The following MAF variants were observed in gnomAD, a reference collection of about 807,000 sequenced individuals.
MAF encodes MAF bZIP transcription factor.
MAF carries 10 observed loss-of-function variants against 22.0 expected under a neutral mutation model. That is an observed-to-expected ratio of 0.45 (90% confidence interval 0.28 to 0.77). The LOEUF (loss-of-function observed/expected upper bound fraction) is 0.77, where lower values mean the gene tolerates loss of function less well. Ranked by LOEUF, MAF falls within the 30% of genes least tolerant of loss-of-function variation. MAF has a pLI of 0.12. For synonymous variants in MAF, 337 were observed against 255.8 expected, an observed-to-expected ratio of 1.32 and a Z score of -3.03; for missense variants, 544 against 548.4, an observed-to-expected ratio of 0.99 and a Z score of 0.08.
At chr16:79,216,635 G>C in the MAF span, among the ~76,000 whole-genome samples, 1 of 152,020 alleles carries the variant, frequency 6.6e-6, no homozygotes, top group Non-Finnish European at 1.5e-5. Context: ...AAGGTAGGCT[G>C]GGCTATGCTA....
chr16:79,410,930 A>G, the MAF span, among the ~76,000 whole-genome samples: 12,342 of 152,254 alleles, frequency 0.081, 703 homozygotes, highest in Middle Eastern at 0.19. Context: ...GTGATGTTCC[A>G]GGGAGGGGGG....
the MAF span, chr16:79,212,116 C>T: frequency 3.3e-6 from 5 of 1,535,456 alleles, no homozygotes; most frequent in South Asian, 1.2e-5. Flanking sequence ...CTTTCTTTTA[C>T]TGTTATAGAA....
At chr16:79,510,096 C>T in the MAF span, among the ~76,000 whole-genome samples, 65 of 152,198 alleles carry the variant, frequency 4.3e-4, no homozygotes, top group Admixed American at 3.0e-3. Context: ...GATTGCAGGA[C>T]GGCTACCGAA....
At chr16:79,405,533 C>A in the MAF span, among the ~76,000 whole-genome samples, 1 of 152,200 alleles carries the variant, frequency 6.6e-6, no homozygotes, top group African/African-American at 2.4e-5. Context: ...TCCTTGCTCT[C>A]TTGTCCCAGG....
the MAF span, among the ~76,000 whole-genome samples, chr16:79,244,117 G>C: frequency 0.83 from 125,809 of 151,954 alleles, 53,500 homozygotes; most frequent in African/African-American, 0.92. Flanking sequence ...TCATACTGAA[G>C]GGGCAAAAAC....
At chr16:79,266,997 T>C in the MAF span, among the ~76,000 whole-genome samples, 2 of 152,338 alleles carry the variant, frequency 1.3e-5, no homozygotes, top group East Asian at 1.9e-4. Context: ...TAAACTGTTG[T>C]TGAATGAATG....
At chr16:79,532,058 C>T in the MAF span, among the ~76,000 whole-genome samples, 2 of 152,168 alleles carry the variant, frequency 1.3e-5, no homozygotes, top group African/African-American at 4.8e-5. Context: ...GAATTGTTAG[C>T]ATGAGTAGGT....
downstream of MAF, among the ~76,000 whole-genome samples, chr16:79,582,980 T>A (rs1912615824): frequency 6.6e-6 from 1 of 152,214 alleles, no homozygotes; most frequent in Non-Finnish European, 1.5e-5. Context: ...TTCACATGTC[T>A]TTTGTATGGC....
At chr16:79,499,518 G>A in the MAF span, among the ~76,000 whole-genome samples, 1 of 152,182 alleles carries the variant, frequency 6.6e-6, no homozygotes, top group Non-Finnish European at 1.5e-5. Flanking sequence ...TCATCAATGT[G>A]ATGGTATTAA....
the MAF span, among the ~76,000 whole-genome samples, chr16:79,523,917 G>A: frequency 9.2e-5 from 14 of 152,228 alleles, no homozygotes; most frequent in East Asian, 1.7e-3. Context: ...GTTTATTGTG[G>A]CTTATTTCTT....
At chr16:79,549,913 C>G in the MAF span, among the ~76,000 whole-genome samples, 3 of 152,160 alleles carry the variant, frequency 2.0e-5, 1 homozygote, top group South Asian at 6.2e-4. Flanking sequence ...AGCAGACCTC[C>G]TAAATTGTTC....
At chr16:79,469,566 G>A in the MAF span, among the ~76,000 whole-genome samples, 15 of 152,146 alleles carry the variant, frequency 9.9e-5, no homozygotes, top group African/African-American at 3.6e-4. Context: ...ATTTTTATAT[G>A]CAAGGTCTCA....
At chr16:79,466,876 G>A in the MAF span, among the ~76,000 whole-genome samples, 1 of 152,132 alleles carries the variant, frequency 6.6e-6, no homozygotes, top group South Asian at 2.1e-4. Flanking sequence ...TGTTCCATAT[G>A]GACACGGATC....
chr16:79,556,983 T>TAA, the MAF span, among the ~76,000 whole-genome samples: 214 of 146,034 alleles, frequency 1.5e-3, 3 homozygotes, highest in Non-Finnish European at 1.9e-3. Flanking sequence ...CAACAAGCTT[T>TAA]AAAAAAAAAA....
the MAF span, among the ~76,000 whole-genome samples, chr16:79,419,190 G>C: frequency 5.3e-5 from 8 of 152,250 alleles, no homozygotes; most frequent in East Asian, 1.6e-3. Flanking sequence ...GTGCTCAGAA[G>C]TTTAATATCA....
the MAF span, among the ~76,000 whole-genome samples, chr16:79,244,819 A>G: frequency 6.6e-6 from 1 of 152,082 alleles, no homozygotes; most frequent in Non-Finnish European, 1.5e-5. Context: ...TTCAAAGTAT[A>G]CTACATGGCT....
chr16:79,253,028 A>G, the MAF span, among the ~76,000 whole-genome samples: 10 of 152,340 alleles, frequency 6.6e-5, no homozygotes, highest in East Asian at 1.9e-3. Context: ...TCATGAGTTT[A>G]TTGTGCAGAT....
the MAF span, among the ~76,000 whole-genome samples, chr16:79,215,357 C>G: frequency 6.6e-6 from 1 of 152,172 alleles, no homozygotes; most frequent in African/African-American, 2.4e-5. Context: ...TGTGCCTGGC[C>G]ATGGATGCAC....
At chr16:79,593,806 A>G (rs1393588896), downstream of MAF, 11 of 164,694 alleles carry the variant, frequency 6.7e-5, no homozygotes, top group East Asian at 1.0e-3. Context: ...GGAGCAAAAA[A>G]GAAAAGGGAG....
Sources: gnomAD v4.1 joint callset for allele counts (sites outside exome capture counted in the v4.1 genomes callset) on GRCh38, gnomAD v4.1.1 for gene constraint, MANE v1.5 for transcripts, NCBI Gene and HGNC (gene_info 2026-07-23, HGNC 2026-07-21) for gene names.